DOCK9: variants seen among roughly 807,000 people sequenced by gnomAD.
DOCK9 encodes the protein dedicator of cytokinesis 9.
In DOCK9, 89 loss-of-function variants were observed where a neutral mutation model predicts 263.3. The observed-to-expected ratio is 0.34, with a 90% CI of 0.28 to 0.40. The LOEUF is 0.40. Ranked by LOEUF, DOCK9 falls within the 10% of genes least tolerant of loss-of-function variation. The pLI, the probability that DOCK9 is intolerant of heterozygous loss-of-function variation, is 1.00. For missense variants in DOCK9, 2,140 were observed against 2,603.4 expected (o/e 0.82, Z 3.87); for synonymous variants, 976 against 973.1 (o/e 1.00, Z -0.06).
At position 98,863,540 on chromosome 13, in the gene DOCK9, G is replaced by A. The variant is rs746140498; in HGVS notation, c.3295C>T (p.Leu1099Phe). The A allele has an allele frequency of 2.8e-5, 45 of 1,609,066 alleles. No individual in the cohort carries two copies. Among genetic ancestry groups the A allele is most frequent in the Non-Finnish European group, 3.3e-5 (39 of 1,177,042 alleles). Reference sequence around the variant, plus strand: ...AACTCATCTGTTAATGAGTAGTCAAGCTGGAGGTCTGAAATGAGGATAGAA... The same window carrying A: ...AACTCATCTGTTAATGAGTAGTCAAACTGGAGGTCTGAAATGAGGATAGAA... Reference protein sequence around the residue: ...GRIQRYQDLQLDYSLTDEFCR... With the variant: ...GRIQRYQDLQFDYSLTDEFCR... The change falls in exon 31 of 53, where the codon CTT becomes TTT. Residue 1099 changes from leucine (L) to phenylalanine (F), a missense_variant. Coordinates refer to ENST00000682017, the MANE Select transcript of DOCK9 (RefSeq NM_001366683.2).
intron 1 of DOCK9, among the ~76,000 whole-genome samples, chr13:99,054,224 G>GA (rs1440044377): frequency 2.0e-5 from 3 of 151,670 alleles, no homozygotes; most frequent in Non-Finnish European, 2.9e-5. Context: ...CTCTCACTTA[G>GA]AAAAAAAACA....
chr13:98,872,285 G>A (rs1407462483), intron 27 of DOCK9, among the ~76,000 whole-genome samples: 1 of 151,970 alleles, frequency 6.6e-6, no homozygotes, highest in Non-Finnish European at 1.5e-5. Context: ...AAAAGTAATG[G>A]GGCTGAGAAG....
intron 5 of DOCK9, 74 bp downstream of exon 5, chr13:98,923,228 T>A: frequency 1.4e-6 from 2 of 1,426,956 alleles, no homozygotes. Flanking sequence ...ATTTTCTAAC[T>A]AATCTTCTAA....
At chr13:98,849,803 C>T (rs114903132) in intron 36 of DOCK9, among the ~76,000 whole-genome samples, 196 of 152,294 alleles carry the variant, frequency 1.3e-3, no homozygotes, top group African/African-American at 4.4e-3. Flanking sequence ...ATGACTTATA[C>T]ACATAAACAG....
chr13:98,978,018 T>A lies in DOCK9; in HGVS notation c.-109A>T. On this transcript the variant is annotated 5_prime_UTR_variant, in exon 1 of 53. It adds an upstream start codon to the 5' untranslated region. Transcript: ENST00000682017. The stretch of plus-strand genomic sequence containing the variant: ...GTCCAAGGAAGGAAAGGAAACTGGC[T>A]TCCCAGGCACAAGTGGTCAGCCCCG... The A allele has an allele frequency of 6.9e-7, 1 of 1,453,044 alleles. No homozygotes were observed. The highest frequency in any genetic ancestry group is 9.0e-7 in the Non-Finnish European group (1 of 1,105,622). The allele number at this position is 1,453,044 out of a possible 1,614,324, so 90.0% of individuals were successfully genotyped here. A position where few individuals can be genotyped will look rare whatever the true frequency, so the allele number is the denominator to read the frequency against.
intron 38 of DOCK9, among the ~76,000 whole-genome samples, chr13:98,840,261 C>T (rs915199253): frequency 2.6e-5 from 4 of 152,130 alleles, no homozygotes; most frequent in African/African-American, 9.7e-5. Context: ...AGCTTTTGAC[C>T]CGGGCAAGTA....
chr13:98,946,396 C>CTGCT (rs2056718258), intron 2 of DOCK9, among the ~76,000 whole-genome samples: 2 of 152,218 alleles, frequency 1.3e-5, no homozygotes, highest in Admixed American at 1.3e-4. Context: ...TGCCACTCTC[C>CTGCT]ATGGCCTGCT....
chr13:99,005,083 AAG>A (rs1351031200), intron 1 of DOCK9, among the ~76,000 whole-genome samples: 2 of 152,186 alleles, frequency 1.3e-5, no homozygotes, highest in African/African-American at 4.8e-5. Context: ...AAAAAAAAAA[AAG>A]AGTAGATTCA....
chr13:98,884,485 T>C (rs1176309027), intron 21 of DOCK9, among the ~76,000 whole-genome samples: 2 of 152,220 alleles, frequency 1.3e-5, no homozygotes, highest in African/African-American at 4.8e-5. Context: ...GTCTATAAAA[T>C]TTAAGATGGC....
chr13:98,988,820 G>C (rs1879063890), intron 1 of DOCK9, among the ~76,000 whole-genome samples: 1 of 152,240 alleles, frequency 6.6e-6, no homozygotes, highest in Admixed American at 6.5e-5. Flanking sequence ...GGGAGGAAAA[G>C]AGGAAATGCA....
chr13:98,874,589 T>A (rs1212960227), intron 27 of DOCK9, among the ~76,000 whole-genome samples: 1 of 152,206 alleles, frequency 6.6e-6, no homozygotes, highest in Non-Finnish European at 1.5e-5. Flanking sequence ...ATCCTCATCC[T>A]CAATCCCACC....
At chr13:98,981,355 C>T (rs1160507027), upstream of DOCK9, among the ~76,000 whole-genome samples, 1 of 152,120 alleles carries the variant, frequency 6.6e-6, no homozygotes, top group Non-Finnish European at 1.5e-5. Context: ...CCATGCCTGG[C>T]CCAAGCAAGT....
At position 98,882,664 on chromosome 13, in the gene DOCK9, C is replaced by T. The variant is rs148241115; in HGVS notation, c.2559+378G>A. On this transcript the variant is annotated intron_variant, in intron 23 of 52. Coordinates refer to ENST00000682017, the MANE Select transcript of DOCK9 (RefSeq NM_001366683.2). ...TTATTTGATTTGTCTGCCTAGCATG[C>T]AGTCACCAAGTTTATAGTATCTCCT... 7.7e-4 allele frequency among the ~76,000 whole-genome samples: 117 copies of T among 152,248 alleles called. 1 individual carries two copies. Among genetic ancestry groups the T allele is most frequent in the African/African-American group, 2.6e-3 (110 of 41,530 alleles).
chr13:98,892,094 C>A lies in DOCK9; in HGVS notation c.1710-3383G>T, dbSNP rs73556993. ...ATAAAATAATCCTTGAACATGAAAA[C>A]TCATCTTAAAATTACACGAATTAAG... On this transcript the variant is annotated intron_variant, in intron 15 of 52. Coordinates refer to ENST00000682017, the MANE Select transcript of DOCK9 (RefSeq NM_001366683.2). 3.7e-3 allele frequency among the ~76,000 whole-genome samples: 569 copies of A among 152,206 alleles called. 2 individuals carry two copies. Among genetic ancestry groups the A allele is most frequent in the African/African-American group, 0.013 (530 of 41,522 alleles).
chr13:98,853,573 TG>T, intron 34 of DOCK9, 51 bp from the exon 35 acceptor site: 2 of 1,300,612 alleles, frequency 1.5e-6, no homozygotes, highest in Non-Finnish European at 2.2e-6. Context: ...GAGGAAAACG[TG>T]TTTCCCTTTT....
At chr13:98,975,873 A>G (rs4772164) in intron 1 of DOCK9, among the ~76,000 whole-genome samples, 118 of 152,058 alleles carry the variant, frequency 7.8e-4, no homozygotes, top group African/African-American at 2.7e-3. Flanking sequence ...CATTCGAACA[A>G]TGAATAGTAC....
chr13:98,850,157 A>G (rs1477967259), intron 35 of DOCK9, 44 bp from the exon 36 acceptor site: 2 of 1,295,132 alleles, frequency 1.5e-6, no homozygotes, highest in African/African-American at 1.5e-5. Context: ...CATATGATAT[A>G]CATTATGGAG....
At chr13:98,867,844 T>C (rs2094075643) in intron 29 of DOCK9, 84 bp downstream of exon 29, 1 of 1,288,208 alleles carries the variant, frequency 7.8e-7, no homozygotes, top group Non-Finnish European at 1.1e-6. Context: ...AGGCAGAGCT[T>C]TAAAAAAAAA....
intron 18 of DOCK9, among the ~76,000 whole-genome samples, chr13:98,887,619 A>C (rs1236266441): frequency 2.2e-5 from 3 of 139,354 alleles, no homozygotes; most frequent in Non-Finnish European, 4.9e-5. Flanking sequence ...CCATCTCAAA[A>C]AAAAAAAAAA....
Sources: gnomAD v4.1 joint callset for allele counts (sites outside exome capture counted in the v4.1 genomes callset) on GRCh38, gnomAD v4.1.1 for gene constraint, MANE v1.5 for transcripts, NCBI Gene and HGNC (gene_info 2026-07-23, HGNC 2026-07-21) for gene names.